The following ORC3 variants were observed in gnomAD, a reference collection of about 807,000 sequenced individuals.
ORC3 encodes the protein homolog of latheo, Drosophila.
Under a neutral mutation model 100.7 loss-of-function variants are expected in ORC3, and 78 were observed. The observed-to-expected ratio is 0.77, with a 90% CI of 0.65 to 0.94. The LOEUF (loss-of-function observed/expected upper bound fraction) is 0.94. Among genes scored for constraint, ORC3 ranks in the 40% least tolerant of loss-of-function variants. ORC3 has a pLI of 0.00. For missense variants in ORC3, 789 were observed against 823.9 expected, an observed-to-expected ratio of 0.96 and a Z score of 0.52; for synonymous variants, 295 against 289.3, an observed-to-expected ratio of 1.02 and a Z score of -0.20.
At chr6:87,648,250 A>G (rs186509014) in intron 13 of ORC3, among the ~76,000 whole-genome samples, 4 of 152,286 alleles carry the variant, frequency 2.6e-5, no homozygotes, top group East Asian at 1.9e-4. Flanking sequence ...AGTGCTTGCT[A>G]TAGTCATTCT....
the ORC3 span, among the ~76,000 whole-genome samples, chr6:87,676,460 A>AC: frequency 5.3e-5 from 7 of 131,902 alleles, no homozygotes; most frequent in Non-Finnish European, 1.2e-4. Context: ...AAAAAAAAAA[A>AC]AAAAAAAAAA....
rs750566188 is a variant in ORC3, at chr6:87,607,663, T to C, written c.428-10T>C. 2 of 1,574,068 alleles carry C rather than the reference T, an allele frequency of 1.3e-6. No individual in the cohort carries two copies. The highest frequency in any genetic ancestry group is 3.8e-5 in the Admixed American group (2 of 52,214). On this transcript the variant is annotated splice_polypyrimidine_tract_variant and intron_variant, in intron 5 of 19. Coordinates refer to ENST00000392844, the MANE Select transcript of ORC3 (RefSeq NM_012381.4). ...CAGAGATAAGCTTTCTTACTTTTTA[T>C]ATTCCACAGATATGAAACATTTTTT...
rs1583021708 is a variant in ORC3, at chr6:87,606,085, T to A, written c.427+64T>A. On this transcript the variant is annotated intron_variant, in intron 5 of 19. Transcript: ENST00000392844. The stretch of plus-strand genomic sequence containing the variant: ...TACAGACTTCTTTCATCCTTTTCTC[T>A]CTTTTTCAGGCTTTCTTTATCCCTT... The A allele has an allele frequency of 3.3e-6, 3 of 916,966 alleles. No homozygotes were observed. The East Asian group carries it at 7.3e-5, about 22-fold the overall frequency. 56.8% of individuals were successfully genotyped at this position (916,966 alleles called of 1,614,324 possible).
chr6:87,657,935 G>T lies in ORC3; in HGVS notation c.1608G>T (p.Met536Ile), dbSNP rs1769850282. 1 of 1,554,718 alleles carries T rather than the reference G, an allele frequency of 6.4e-7. No homozygotes were observed. The highest frequency in any genetic ancestry group is 1.4e-5 in the African/African-American group (1 of 73,852). Reference protein sequence around the residue: ...LYHLQKSLLEMKELRRSKKQT... With the variant: ...LYHLQKSLLEIKELRRSKKQT... ...TTTATCTATAGTCCTTATTGGAAAT[G>T]AAGGAGTTAAGAAGAAGTAAGAAGC... Residue 536 changes from methionine (M) to isoleucine (I), a missense_variant, in exon 16 of 20, where the codon ATG (methionine) becomes ATT (isoleucine). Physicochemically the swap from Met to Ile is conservative, Grantham distance 10 (BLOSUM62 1). Coordinates refer to ENST00000392844, the MANE Select transcript of ORC3 (RefSeq NM_012381.4).
intron 13 of ORC3, chr6:87,651,056 C>A: frequency 2.5e-6 from 1 of 400,658 alleles, no homozygotes; most frequent in Non-Finnish European, 5.0e-6. Flanking sequence ...ATTTGAATCC[C>A]TGGCAGTTTA....
In ORC3 at chr6:87,667,127, G is replaced by A. The variant is rs1372407073; in HGVS notation, c.*4G>A. The A allele has an allele frequency of 3.9e-6, 6 of 1,523,536 alleles. No individual in the cohort carries two copies. In the South Asian group the frequency reaches 6.9e-5, roughly 17 times the overall value. The allele number at this position is 1,523,536 out of a possible 1,614,324, so 94.4% of individuals were successfully genotyped here. On this transcript the variant is annotated 3_prime_UTR_variant, in exon 20 of 20. Transcript: ENST00000392844. ...ACTAACATGGGGAGGCTGCTAGAAA[G>A]CAAATAAGCAAAGCCAGAACTATCA...
At chr6:87,656,831 G>T in intron 14 of ORC3, 75 bp from the exon 15 acceptor site, 1 of 895,852 alleles carries the variant, frequency 1.1e-6, no homozygotes, top group Non-Finnish European at 1.8e-6. Flanking sequence ...CTTTTACTTT[G>T]GAGTAGTAGA....
At chr6:87,601,709 T>A in intron 2 of ORC3, 75 bp from the exon 3 acceptor site, 2 of 866,730 alleles carry the variant, frequency 2.3e-6, no homozygotes, top group Non-Finnish European at 3.7e-6. Context: ...ACTTACTGTG[T>A]AACTTTGCAC....
chr6:87,643,127 T>C (rs1296151681), intron 13 of ORC3, among the ~76,000 whole-genome samples: 2 of 151,900 alleles, frequency 1.3e-5, no homozygotes, highest in South Asian at 2.1e-4. Context: ...ACTGTTTTTT[T>C]GTGTAATGGT....
chr6:87,601,837 G>C lies in ORC3; in HGVS notation c.133G>C (p.Glu45Gln), dbSNP rs142044709. The C allele has an allele frequency of 6.2e-7, 1 of 1,612,026 alleles. No individual in the cohort carries two copies. Among genetic ancestry groups the C allele is most frequent in the Non-Finnish European group, 8.5e-7 (1 of 1,178,208 alleles). Residue 45 changes from glutamate to glutamine, a missense_variant, in exon 3 of 20, where the codon GAA becomes CAA. By Grantham distance (29) the Glu-to-Gln change is conservative (BLOSUM62 2). This residue lies in a region of ORC3 where 399 missense variants were observed against 382.0 expected (regional missense o/e 1.04). Coordinates refer to ENST00000392844, the MANE Select transcript of ORC3 (RefSeq NM_012381.4). ...GCCTGAGGACAGTAAGCTTCGATTC[G>C]AAACTTATCAGTTGATATGGCAGCA... Reference protein sequence around the residue: ...NEPEDSKLRFETYQLIWQQMK... With the variant: ...NEPEDSKLRFQTYQLIWQQMK...
downstream of ORC3, among the ~76,000 whole-genome samples, chr6:87,670,574 T>G (rs1275333496): frequency 6.6e-6 from 1 of 152,234 alleles, no homozygotes; most frequent in Non-Finnish European, 1.5e-5. Flanking sequence ...AGACAGCCTA[T>G]GAAATGCCAG....
chr6:87,643,373 A>G (rs1297815600), intron 13 of ORC3, among the ~76,000 whole-genome samples: 2 of 151,610 alleles, frequency 1.3e-5, no homozygotes, highest in Non-Finnish European at 2.9e-5. Flanking sequence ...CCCAGGAACT[A>G]TACTTTGACA....
chr6:87,676,831 C>T, the ORC3 span, among the ~76,000 whole-genome samples: 1 of 149,814 alleles, frequency 6.7e-6, no homozygotes, highest in African/African-American at 2.5e-5. Context: ...AATCCCAGCA[C>T]TTTGAGAGGC....
intron 10 of ORC3, 78 bp downstream of exon 10, chr6:87,621,565 T>C: frequency 2.0e-6 from 2 of 985,218 alleles, no homozygotes; most frequent in South Asian, 5.1e-5. Flanking sequence ...TCCAGTTATT[T>C]CTGAAGTAGG....
intron 9 of ORC3, among the ~76,000 whole-genome samples, chr6:87,618,692 G>T (rs989759187): frequency 3.5e-4 from 53 of 151,908 alleles, no homozygotes; most frequent in African/African-American, 1.3e-3. Flanking sequence ...AATGGTAGTG[G>T]AACTGGAGAG....
At chr6:87,656,147 C>T (rs1032647180) in intron 14 of ORC3, among the ~76,000 whole-genome samples, 6 of 152,206 alleles carry the variant, frequency 3.9e-5, no homozygotes, top group Non-Finnish European at 8.8e-5. Flanking sequence ...AACCATGATG[C>T]ACTTTATGTT....
At chr6:87,674,643 T>TTTATAAATATATATATATATATATATA in the ORC3 span, among the ~76,000 whole-genome samples, 2 of 133,758 alleles carry the variant, frequency 1.5e-5, no homozygotes, top group African/African-American at 5.6e-5. Context: ...TATATATATA[T>TTTATAAATATATATATATATATATATA]TTTTTTTTTT....
At chr6:87,662,381 G>A (rs13211892) in intron 16 of ORC3, among the ~76,000 whole-genome samples, 4,812 of 152,156 alleles carry the variant, frequency 0.032, 99 homozygotes, top group Middle Eastern at 0.054. Context: ...GCAGTGAGCC[G>A]AGATTGCACC....
chr6:87,637,915 T>C (rs1027562795), intron 13 of ORC3, among the ~76,000 whole-genome samples: 10 of 152,192 alleles, frequency 6.6e-5, no homozygotes, highest in African/African-American at 2.4e-4. Flanking sequence ...TAATATACCT[T>C]TATGGTAGAT....
Sources: gnomAD v4.1 joint callset for allele counts (sites outside exome capture counted in the v4.1 genomes callset) on GRCh38, gnomAD v4.1.1 for gene constraint, gnomAD v4.1.1 regional missense constraint, MANE v1.5 for transcripts, NCBI Gene and HGNC (gene_info 2026-07-23, HGNC 2026-07-21) for gene names.